The following SELENOF variants were observed in gnomAD, a reference collection of about 807,000 sequenced individuals.
The protein encoded by SELENOF is selenoprotein F.
Under a neutral mutation model 20.5 loss-of-function variants are expected in SELENOF, and 16 were observed. The ratio of observed to expected loss-of-function variants is 0.78; its 90% CI spans 0.53 to 1.19. The LOEUF (loss-of-function observed/expected upper bound fraction) is 1.19. SELENOF is among the 50% of genes most tolerant of loss of function. SELENOF has a pLI of 0.00. For missense variants in SELENOF, 215 were observed against 194.2 expected, an observed-to-expected ratio of 1.11 and a Z score of -0.64; for synonymous variants, 78 against 74.5, an observed-to-expected ratio of 1.05 and a Z score of -0.24.
At chr1:86,873,726 C>T (rs959200567) in intron 3 of SELENOF, among the ~76,000 whole-genome samples, 1 of 151,924 alleles carries the variant, frequency 6.6e-6, no homozygotes, top group Non-Finnish European at 1.5e-5. Flanking sequence ...GTGGTGCATG[C>T]CTGTAATCCC....
chr1:86,882,234 C>T (rs568863138), intron 2 of SELENOF, among the ~76,000 whole-genome samples: 42 of 96,102 alleles, frequency 4.4e-4, no homozygotes, highest in African/African-American at 1.8e-3. Flanking sequence ...GGCAGCAGAG[C>T]AAGACTCTGT....
At chr1:86,874,924 C>G (rs1658884790) in intron 3 of SELENOF, among the ~76,000 whole-genome samples, 1 of 152,026 alleles carries the variant, frequency 6.6e-6, no homozygotes, top group Non-Finnish European at 1.5e-5. Context: ...ATTCAGTAAT[C>G]AAAAAAGTAT....
Position 86,863,401 on chromosome 1 carries a change from A to C in SELENOF, c.*73T>G, listed in dbSNP as rs188569022. 2.2e-4 allele frequency: 299 copies of C among 1,339,348 alleles called. 1 individual carries two copies. In the Middle Eastern group the frequency reaches 6.4e-3, roughly 29 times the overall value. The allele number at this position is 1,339,348 out of a possible 1,614,324, so 83.0% of individuals were successfully genotyped here. On this transcript the variant is annotated 3_prime_UTR_variant, in exon 5 of 5. Coordinates refer to ENST00000331835, the MANE Select transcript of SELENOF (RefSeq NM_004261.5). ...CTGATCAATGGAAGCAAGCAAAACTAAATTATTTTCTAGGTGCTGTAATAT... is the reference window on the plus strand; with the variant it reads ...CTGATCAATGGAAGCAAGCAAAACTCAATTATTTTCTAGGTGCTGTAATAT...
At chr1:86,888,724 T>C (rs1659297774) in intron 2 of SELENOF, among the ~76,000 whole-genome samples, 1 of 152,238 alleles carries the variant, frequency 6.6e-6, no homozygotes, top group Non-Finnish European at 1.5e-5. Flanking sequence ...AGTGCAGTGG[T>C]GCGATCTCGG....
chr1:86,899,799 C>T (rs1187764544), intron 2 of SELENOF, among the ~76,000 whole-genome samples: 1 of 147,894 alleles, frequency 6.8e-6, no homozygotes, highest in African/African-American at 2.5e-5. Context: ...GACGGGGCGG[C>T]TGCCGGGCGG....
chr1:86,886,512 C>T (rs1473203201), intron 2 of SELENOF, among the ~76,000 whole-genome samples: 2 of 150,408 alleles, frequency 1.3e-5, no homozygotes, highest in East Asian at 1.9e-4. Context: ...TATTTAAAAT[C>T]GAAAGGTTAG....
At chr1:86,864,063 A>G (rs1658532847) in intron 4 of SELENOF, among the ~76,000 whole-genome samples, 1 of 152,226 alleles carries the variant, frequency 6.6e-6, no homozygotes, top group Admixed American at 6.5e-5. Context: ...CCCACATGAT[A>G]CTCTCAAATG....
In SELENOF at chr1:86,863,392, A is replaced by C. The variant is rs144711295; in HGVS notation, c.*82T>G. ...AGTAAAAGACTGATCAATGGAAGCA[A>C]GCAAAACTAAATTATTTTCTAGGTG... On this transcript the variant is annotated 3_prime_UTR_variant, in exon 5 of 5. Coordinates refer to ENST00000331835, the MANE Select transcript of SELENOF (RefSeq NM_004261.5). 37 of 1,253,538 alleles carry C rather than the reference A, an allele frequency of 3.0e-5. No individual in the cohort carries two copies. In the East Asian group the frequency reaches 5.6e-4, roughly 19 times the overall value. The allele number at this position is 1,253,538 out of a possible 1,614,324, so 77.7% of individuals were successfully genotyped here.
chr1:86,914,114 TC>T lies in SELENOF; in HGVS notation c.-4del. The T allele has an allele frequency of 5.0e-6, 8 of 1,613,988 alleles. No homozygotes were observed. The South Asian group carries it at 7.7e-5, about 16-fold the overall frequency. ...GGCCCAGCCGCCATCGCTACCATTT[TC>T]CGCAGGTTTCTGGCTGCCTAGAAGG... On this transcript the variant is annotated 5_prime_UTR_variant, in exon 1 of 5. Coordinates refer to ENST00000331835, the MANE Select transcript of SELENOF (RefSeq NM_004261.5).
chr1:86,869,230 A>G (rs139082679), intron 3 of SELENOF, among the ~76,000 whole-genome samples: 63 of 152,328 alleles, frequency 4.1e-4, no homozygotes, highest in Non-Finnish European at 7.6e-4. Flanking sequence ...ACCTGCAAGT[A>G]CACTTCTAGG....
intron 2 of SELENOF, among the ~76,000 whole-genome samples, chr1:86,888,067 C>T (rs916146889): frequency 4.1e-4 from 63 of 152,068 alleles, no homozygotes; most frequent in African/African-American, 1.3e-3. Context: ...TCCAGACCAG[C>T]CTGGCCAACA....
At chr1:86,911,784 ATT>A (rs34486690) in intron 1 of SELENOF, among the ~76,000 whole-genome samples, 221 of 140,000 alleles carry the variant, frequency 1.6e-3, no homozygotes, top group African/African-American at 4.4e-3. Flanking sequence ...TAAAATGACT[ATT>A]TTTTTTTTTT....
intron 2 of SELENOF, among the ~76,000 whole-genome samples, chr1:86,885,542 TAC>T (rs1481156561): frequency 6.6e-6 from 1 of 152,156 alleles, no homozygotes; most frequent in Admixed American, 6.5e-5. Context: ...CCAGCACCAT[TAC>T]ACATTTATAA....
intron 2 of SELENOF, among the ~76,000 whole-genome samples, chr1:86,898,827 C>G (rs1444610651): frequency 1.3e-4 from 20 of 150,374 alleles, no homozygotes; most frequent in Non-Finnish European, 7.4e-5. Context: ...GGGTGTTTCT[C>G]ACAGAGGGGG....
intron 2 of SELENOF, among the ~76,000 whole-genome samples, chr1:86,901,520 A>T (rs1041585567): frequency 2.0e-5 from 3 of 152,206 alleles, no homozygotes; most frequent in Admixed American, 6.5e-5. Context: ...GAGCAAAGTT[A>T]AAAACACTGG....
intron 2 of SELENOF, among the ~76,000 whole-genome samples, chr1:86,897,189 A>G (rs750545186): frequency 1.3e-5 from 2 of 152,070 alleles, no homozygotes; most frequent in Non-Finnish European, 2.9e-5. Flanking sequence ...TGGGAGGCTG[A>G]GGCAGGAGAA....
At chr1:86,885,251 T>C (rs941470574) in intron 2 of SELENOF, among the ~76,000 whole-genome samples, 1 of 152,168 alleles carries the variant, frequency 6.6e-6, no homozygotes, top group Non-Finnish European at 1.5e-5. Context: ...CTACTCAAAC[T>C]GTACTGAGAT....
intron 2 of SELENOF, among the ~76,000 whole-genome samples, chr1:86,898,671 TCA>T (rs1277685402): frequency 6.6e-6 from 1 of 151,618 alleles, no homozygotes; most frequent in Non-Finnish European, 1.5e-5. Flanking sequence ...AACCTCTGCT[TCA>T]CGGGTTCAAG....
intron 3 of SELENOF, among the ~76,000 whole-genome samples, chr1:86,870,777 C>G: frequency 6.6e-6 from 1 of 152,182 alleles, no homozygotes; most frequent in Non-Finnish European, 1.5e-5. Flanking sequence ...CGCCACCACG[C>G]ACAGCTAATT....
Sources: allele counts gnomAD v4.1 joint callset (sites outside exome capture counted in the v4.1 genomes callset), GRCh38; gene constraint gnomAD v4.1.1; transcripts MANE v1.5; gene names NCBI Gene and HGNC (gene_info 2026-07-23, HGNC 2026-07-21).